TOPBP1: variants seen among roughly 807,000 people sequenced by gnomAD.
TOPBP1 encodes DNA topoisomerase II binding protein 1.
Under a neutral mutation model 167.7 loss-of-function variants are expected in TOPBP1, and 28 were observed. The observed-to-expected ratio is 0.17, with a 90% CI of 0.12 to 0.23. The LOEUF (loss-of-function observed/expected upper bound fraction) is 0.23. TOPBP1 is among the 10% of genes least tolerant of loss of function. The pLI, the probability that TOPBP1 is intolerant of heterozygous loss-of-function variation, is 1.00. For synonymous variants in TOPBP1, 598 were observed against 611.4 expected (o/e 0.98, Z 0.32); for missense variants, 1,554 against 1,809.6 (o/e 0.86, Z 2.56).
intron 14 of TOPBP1, among the ~76,000 whole-genome samples, chr3:133,637,278 A>G (rs1240497279): frequency 6.6e-6 from 1 of 152,162 alleles, no homozygotes; most frequent in Non-Finnish European, 1.5e-5. Flanking sequence ...TCAGTTTTGG[A>G]AAATCAAAGA....
At chr3:133,659,972 A>G (rs1215147914) in intron 2 of TOPBP1, among the ~76,000 whole-genome samples, 1 of 152,110 alleles carries the variant, frequency 6.6e-6, no homozygotes, top group African/African-American at 2.4e-5. Context: ...CCACTGAGAG[A>G]AAAATGGCCC....
chr3:133,661,180 T>C (rs1307959134), intron 1 of TOPBP1, 46 bp from the exon 2 acceptor site: 1 of 1,433,766 alleles, frequency 7.0e-7, no homozygotes, highest in Non-Finnish European at 9.3e-7. Context: ...CCACATTAGA[T>C]AAAAAGTTGC....
chr3:133,627,859 T>G lies in TOPBP1; in HGVS notation c.2804+503A>C, dbSNP rs1198067356. On this transcript the variant is annotated intron_variant, in intron 16 of 27. Transcript: ENST00000260810. ...TTGACTGAAGAAAAATCTGACAATC[T>G]AAGTCTCCAAAGTTTAAAAAAAAAA... Among the ~76,000 whole-genome samples, 5 of 149,990 alleles carry G rather than the reference T, an allele frequency of 3.3e-5. No individual in the cohort carries two copies. The South Asian group carries it at 6.3e-4, about 19-fold the overall frequency.
At chr3:133,627,899 C>T (rs773066982) in intron 16 of TOPBP1, among the ~76,000 whole-genome samples, 2 of 150,996 alleles carry the variant, frequency 1.3e-5, no homozygotes, top group Middle Eastern at 3.2e-3. Flanking sequence ...ATAATGAAAA[C>T]ATGCTCAAAA....
At position 133,618,196 on chromosome 3, in the gene TOPBP1, G is replaced by T. The variant is rs199541308; in HGVS notation, c.3592+17C>A. Reference sequence around the variant, plus strand: ...TGTACTTAATACAAACAAATGCAAAGATTTCTTTCTTGTTACCCTGTTTAG... The same window carrying T: ...TGTACTTAATACAAACAAATGCAAATATTTCTTTCTTGTTACCCTGTTTAG... On this transcript the variant is annotated intron_variant, in intron 21 of 27. Coordinates refer to ENST00000260810, the MANE Select transcript of TOPBP1 (RefSeq NM_007027.4). 1.3e-6 allele frequency: 2 copies of T among 1,591,584 alleles called. No individual in the cohort carries two copies. The highest frequency in any genetic ancestry group is 1.1e-5 in the South Asian group (1 of 90,438).
At chr3:133,658,950 T>C (rs1936583975) in intron 3 of TOPBP1, 66 bp downstream of exon 3, 2 of 1,483,238 alleles carry the variant, frequency 1.3e-6, no homozygotes, top group East Asian at 2.4e-5. Context: ...AAAGAATGTA[T>C]GTCCATTAAA....
At chr3:133,639,834 C>T in intron 13 of TOPBP1, 125 bp downstream of exon 13, 1 of 870,594 alleles carries the variant, frequency 1.1e-6, no homozygotes. Flanking sequence ...CACTGAGACC[C>T]TCACTGCACC....
intron 4 of TOPBP1, among the ~76,000 whole-genome samples, chr3:133,657,496 CT>C (rs11415856): frequency 6.6e-6 from 1 of 150,750 alleles, no homozygotes. Flanking sequence ...ATTTAGAATC[CT>C]TTTTTTTAAA....
intron 23 of TOPBP1, among the ~76,000 whole-genome samples, chr3:133,614,966 T>TA (rs749840896): frequency 4.7e-5 from 7 of 150,522 alleles, no homozygotes; most frequent in South Asian, 2.1e-4. Context: ...CCTTAGAACT[T>TA]AGAGTATAAT....
At chr3:133,635,793 A>AAC (rs765363955) in intron 14 of TOPBP1, among the ~76,000 whole-genome samples, 4 of 152,196 alleles carry the variant, frequency 2.6e-5, no homozygotes, top group Non-Finnish European at 4.4e-5. Context: ...ACCACATAGT[A>AAC]ACACACACAC....
chr3:133,609,334 C>G (rs1364686589), intron 25 of TOPBP1, among the ~76,000 whole-genome samples: 1 of 151,934 alleles, frequency 6.6e-6, no homozygotes, highest in Non-Finnish European at 1.5e-5. Flanking sequence ...TGTTTACAAA[C>G]TGGAAACAAA....
At position 133,658,920 on chromosome 3, in the gene TOPBP1, C is replaced by T. The variant is rs1936582331; in HGVS notation, c.219+96G>A. On this transcript the variant is annotated intron_variant, in intron 3 of 27. Coordinates refer to ENST00000260810, the MANE Select transcript of TOPBP1 (RefSeq NM_007027.4). ...AGAATTCCAATGTACTCATAAGTTGCATAGTACTTTATAATCCGCAAAGAA... is the reference window on the plus strand; with the variant it reads ...AGAATTCCAATGTACTCATAAGTTGTATAGTACTTTATAATCCGCAAAGAA... The T allele has an allele frequency of 6.8e-6, 9 of 1,328,752 alleles. No individual in the cohort carries two copies. In the South Asian group the frequency reaches 1.3e-4, roughly 20 times the overall value. 82.3% of individuals were successfully genotyped at this position (1,328,752 alleles called of 1,614,324 possible). A position where few individuals can be genotyped will look rare whatever the true frequency, so the allele number is the denominator to read the frequency against.
rs752288427 is a variant in TOPBP1 at position 133,623,300 on chromosome 3, A to C, written c.3075+11T>G. The C allele has an allele frequency of 5.0e-6, 8 of 1,613,424 alleles. No individual in the cohort carries two copies. Among genetic ancestry groups the C allele is most frequent in the Non-Finnish European group, 6.8e-6 (8 of 1,179,714 alleles). ...TTAAGAGGGGGTAAATGTATCATCC[A>C]TATCTCCTACCTCATCATCCTTTGT... On this transcript the variant is annotated intron_variant, in intron 18 of 27. Coordinates refer to ENST00000260810, the MANE Select transcript of TOPBP1 (RefSeq NM_007027.4).
intron 23 of TOPBP1, among the ~76,000 whole-genome samples, chr3:133,614,318 C>T (rs1934786584): frequency 6.6e-6 from 1 of 152,110 alleles, no homozygotes; most frequent in African/African-American, 2.4e-5. Context: ...CTCAGGATCA[C>T]AGAGTGACAA....
intron 10 of TOPBP1, among the ~76,000 whole-genome samples, chr3:133,645,482 A>G (rs1936043557): frequency 6.6e-6 from 1 of 152,216 alleles, no homozygotes; most frequent in Non-Finnish European, 1.5e-5. Flanking sequence ...AACATTCCGG[A>G]AAGTTTTTTA....
At chr3:133,638,263 T>G in intron 13 of TOPBP1, 101 bp from the exon 14 acceptor site, 1 of 1,165,314 alleles carries the variant, frequency 8.6e-7, no homozygotes, top group Admixed American at 2.5e-5. Flanking sequence ...TTCCTTTCTT[T>G]CTTGCATAAC....
In TOPBP1 at chr3:133,616,900, T is replaced by C; in HGVS notation, c.3785A>G (p.Glu1262Gly). The C allele has an allele frequency of 3.9e-6, 6 of 1,538,266 alleles. No homozygotes were observed. The highest frequency in any genetic ancestry group is 5.2e-6 in the Non-Finnish European group (6 of 1,144,462). The change falls in exon 23 of 28, where the codon GAA becomes GGA. Residue 1262 changes from glutamate (E) to glycine (G), a missense_variant. By Grantham distance (98) the Glu-to-Gly change is moderately conservative. Transcript: ENST00000260810. ...EKIITIEETH[E>G]ELKKQYIFQL... ...AAATATGTACTGTTTTTTTAATTCTTCATGAGTCTCCTCTATCGTTATAAT... is the reference window on the plus strand; with the variant it reads ...AAATATGTACTGTTTTTTTAATTCTCCATGAGTCTCCTCTATCGTTATAAT...
At chr3:133,620,992 T>C (rs1030339258) in intron 19 of TOPBP1, among the ~76,000 whole-genome samples, 1 of 152,078 alleles carries the variant, frequency 6.6e-6, no homozygotes, top group Non-Finnish European at 1.5e-5. Flanking sequence ...CATTTGTGTA[T>C]GTGTCTGATT....
At chr3:133,622,979 C>T (rs1274426712) in intron 19 of TOPBP1, 112 bp downstream of exon 19, 1 of 590,542 alleles carries the variant, frequency 1.7e-6, no homozygotes, top group Non-Finnish European at 2.9e-6. Flanking sequence ...AGGATCCTTT[C>T]AGCCCAGGAG....
Sources: gnomAD v4.1 joint callset for allele counts (sites outside exome capture counted in the v4.1 genomes callset) on GRCh38, gnomAD v4.1.1 for gene constraint, MANE v1.5 for transcripts, NCBI Gene and HGNC (gene_info 2026-07-23, HGNC 2026-07-21) for gene names.